SLC14A2: variants seen among roughly 807,000 people sequenced by gnomAD.
SLC14A2 encodes the protein urea transporter 2.
A neutral mutation model predicts 104.6 loss-of-function variants in SLC14A2; 91 were observed. That is an observed-to-expected ratio of 0.87 (90% CI 0.73 to 1.04). SLC14A2 has a LOEUF of 1.04. Ranked by LOEUF, SLC14A2 falls within the 50% of genes least tolerant of loss-of-function variation. The pLI is 0.00. For synonymous variants in SLC14A2, 476 were observed against 466.4 expected (o/e 1.02, Z -0.27); for missense variants, 1,189 against 1,156.0 (o/e 1.03, Z -0.41).
intron 2 of SLC14A2, among the ~76,000 whole-genome samples, chr18:45,572,613 T>TTAAG (rs1325633898): frequency 6.6e-6 from 1 of 152,220 alleles, no homozygotes; most frequent in Non-Finnish European, 1.5e-5. Flanking sequence ...TAACCTATCT[T>TTAAG]TAAGTCTCAA....
chr18:45,566,674 C>T (rs1412916724), intron 2 of SLC14A2, among the ~76,000 whole-genome samples: 1 of 152,150 alleles, frequency 6.6e-6, no homozygotes, highest in Non-Finnish European at 1.5e-5. Context: ...ATTTAATCTC[C>T]ACAAGGACTT....
intron 10 of SLC14A2, among the ~76,000 whole-genome samples, chr18:45,653,744 A>C (rs887851908): frequency 6.6e-6 from 1 of 152,102 alleles, no homozygotes; most frequent in Non-Finnish European, 1.5e-5. Context: ...ATCAGAAGGA[A>C]GAAAGGTCTG....
intron 1 of SLC14A2, among the ~76,000 whole-genome samples, chr18:45,222,910 G>A (rs964164067): frequency 1.3e-5 from 2 of 152,058 alleles, no homozygotes; most frequent in Non-Finnish European, 2.9e-5. Flanking sequence ...ATACTCAGCT[G>A]AGGCCGCAGA....
At chr18:45,333,705 A>T (rs908412433) in intron 1 of SLC14A2, among the ~76,000 whole-genome samples, 2 of 152,178 alleles carry the variant, frequency 1.3e-5, no homozygotes, top group Non-Finnish European at 2.9e-5. Flanking sequence ...CTTATAGCCA[A>T]CTAGTCTTTA....
At chr18:45,535,297 T>C (rs999230232) in intron 2 of SLC14A2, among the ~76,000 whole-genome samples, 29 of 152,190 alleles carry the variant, frequency 1.9e-4, no homozygotes, top group African/African-American at 6.5e-4. Flanking sequence ...TGACAACTTT[T>C]CCAACTTGAG....
chr18:45,349,689 T>C (rs2144303232), intron 1 of SLC14A2, among the ~76,000 whole-genome samples: 1 of 152,330 alleles, frequency 6.6e-6, no homozygotes, highest in South Asian at 2.1e-4. Context: ...CTCTCTCCTC[T>C]CCTGGGCATT....
intron 10 of SLC14A2, among the ~76,000 whole-genome samples, chr18:45,648,526 A>G (rs1379682730): frequency 6.6e-6 from 1 of 151,454 alleles, no homozygotes; most frequent in Non-Finnish European, 1.5e-5. Context: ...TTTAACCATC[A>G]CTCCAACTTA....
At chr18:45,397,457 T>C (rs78746981) in intron 1 of SLC14A2, among the ~76,000 whole-genome samples, 1,638 of 152,342 alleles carry the variant, frequency 0.011, 25 homozygotes, top group African/African-American at 0.037. Context: ...GCTGAATGTA[T>C]GTCTTCCTTT....
At chr18:45,666,076 G>A in intron 11 of SLC14A2, 61 bp from the exon 12 acceptor site, 2 of 1,145,716 alleles carry the variant, frequency 1.7e-6, no homozygotes, top group Admixed American at 1.7e-5. Context: ...CAGGACATTA[G>A]CTTCTGAGGT....
intron 2 of SLC14A2, among the ~76,000 whole-genome samples, chr18:45,501,701 G>A (rs1005801357): frequency 3.9e-5 from 6 of 152,192 alleles, no homozygotes; most frequent in African/African-American, 1.4e-4. Flanking sequence ...CCCAGTCAGA[G>A]CAGGACTGGA....
At chr18:45,240,590 AAAGTT>A (rs1249531100) in intron 1 of SLC14A2, among the ~76,000 whole-genome samples, 5 of 152,030 alleles carry the variant, frequency 3.3e-5, no homozygotes, top group African/African-American at 1.2e-4. Context: ...GAGGCACAGA[AAAGTT>A]AAGCAATTTT....
At chr18:45,669,799 T>C (rs1242853721) in intron 16 of SLC14A2, among the ~76,000 whole-genome samples, 1 of 152,260 alleles carries the variant, frequency 6.6e-6, no homozygotes, top group Non-Finnish European at 1.5e-5. Context: ...TTCAGCCTCC[T>C]GACTTCCAGC....
rs747848583 is a variant in SLC14A2 at position 45,664,149 on chromosome 18, A to C, written c.1474+242A>C. ...TTCTGGGGTCTCAACCTGGCTGCAC[A>C]TTGGAATCACCTGCATCCCATCCCA... On this transcript the variant is annotated intron_variant, in intron 11 of 19. Transcript: ENST00000255226. Among the ~76,000 whole-genome samples, 3 of 152,178 alleles carry C rather than the reference A, an allele frequency of 2.0e-5. 1 individual carries two copies. The highest frequency in any genetic ancestry group is 2.0e-4 in the Admixed American group (3 of 15,284).
chr18:45,531,141 A>G (rs542690905), intron 2 of SLC14A2, among the ~76,000 whole-genome samples: 2 of 152,318 alleles, frequency 1.3e-5, no homozygotes, highest in Admixed American at 1.3e-4. Flanking sequence ...GCTATTGTGA[A>G]TAGTGTCACA....
intron 2 of SLC14A2, among the ~76,000 whole-genome samples, chr18:45,509,296 A>ATC (rs1295805639): frequency 1.1e-4 from 17 of 151,808 alleles, no homozygotes; most frequent in South Asian, 2.1e-4. Context: ...CTATATATAT[A>ATC]TATCTCTCTC....
At chr18:45,216,345 T>G (rs2084010263) in intron 1 of SLC14A2, among the ~76,000 whole-genome samples, 1 of 152,150 alleles carries the variant, frequency 6.6e-6, no homozygotes, top group Admixed American at 6.5e-5. Flanking sequence ...CTATGTCTTC[T>G]GGGACAAGGG....
At chr18:45,401,990 G>A (rs972502185) in intron 1 of SLC14A2, among the ~76,000 whole-genome samples, 2 of 152,134 alleles carry the variant, frequency 1.3e-5, no homozygotes, top group African/African-American at 4.8e-5. Context: ...AAAGAACAAG[G>A]CTTTAGAGGT....
At chr18:45,521,831 A>G (rs897819643) in intron 2 of SLC14A2, among the ~76,000 whole-genome samples, 2 of 152,048 alleles carry the variant, frequency 1.3e-5, no homozygotes, top group Non-Finnish European at 2.9e-5. Context: ...TGATTCTGGG[A>G]CTCAAGCTGA....
intron 2 of SLC14A2, among the ~76,000 whole-genome samples, chr18:45,525,537 C>T (rs545656525): frequency 6.6e-6 from 1 of 152,178 alleles, no homozygotes; most frequent in Non-Finnish European, 1.5e-5. Flanking sequence ...TGAACATGTG[C>T]CAAAGCCCTT....
Sources: gnomAD v4.1 joint callset for allele counts (sites outside exome capture counted in the v4.1 genomes callset) on GRCh38, gnomAD v4.1.1 for gene constraint, MANE v1.5 for transcripts, NCBI Gene and HGNC (gene_info 2026-07-23, HGNC 2026-07-21) for gene names.